The following KDM4C variants were observed in gnomAD, a reference collection of about 807,000 sequenced individuals.
KDM4C encodes lysine-specific demethylase 4C.
KDM4C carries 81 observed loss-of-function variants against 129.3 expected under a neutral mutation model. The observed-to-expected ratio is 0.63, with a 90% confidence interval of 0.52 to 0.75. KDM4C has a LOEUF of 0.75. Among genes scored for constraint, KDM4C ranks in the 30% least tolerant of loss-of-function variants. The probability of loss-of-function intolerance (pLI) is 0.00; values close to 1 mark genes in which losing one functional copy is unlikely to be tolerated. For synonymous variants in KDM4C, 573 were observed against 456.1 expected (o/e 1.26, Z -3.26); for missense variants, 1,457 against 1,304.0 (o/e 1.12, Z -1.81).
chr9:6,785,400 G>A (rs1208054864), intron 1 of KDM4C, among the ~76,000 whole-genome samples: 1 of 151,260 alleles, frequency 6.6e-6, no homozygotes, highest in African/African-American at 2.4e-5. Flanking sequence ...GCAGTGGTGC[G>A]ATCTTGGCTC....
chr9:7,125,077 C>G (rs891967129), intron 18 of KDM4C, among the ~76,000 whole-genome samples: 3 of 152,114 alleles, frequency 2.0e-5, no homozygotes, highest in African/African-American at 7.2e-5. Context: ...CACAGAATAA[C>G]ATTTAGATTC....
At chr9:6,876,949 C>A (rs765339365) in intron 5 of KDM4C, among the ~76,000 whole-genome samples, 23 of 152,160 alleles carry the variant, frequency 1.5e-4, no homozygotes, top group Admixed American at 5.2e-4. Context: ...TGTGGGGAGT[C>A]AGGACCAAGC....
chr9:6,910,823 G>A (rs1428960458), intron 8 of KDM4C, among the ~76,000 whole-genome samples: 1 of 152,170 alleles, frequency 6.6e-6, no homozygotes, highest in Non-Finnish European at 1.5e-5. Context: ...AATGTTGAAC[G>A]CTGCGGGATA....
In KDM4C at chr9:6,919,223, C is replaced by CTTTCTTTCTTTCTTTCTTTCTTTCT. The variant is rs532687391; in HGVS notation, c.921+25993_921+25994insTCTTTCTTTCTTTCTTTCTTTCTTT. Among the ~76,000 whole-genome samples, 231 of 108,978 alleles carry CTTTCTTTCTTTCTTTCTTTCTTTCT rather than the reference C, an allele frequency of 2.1e-3. 1 individual carries two copies. Among genetic ancestry groups the CTTTCTTTCTTTCTTTCTTTCTTTCT allele is most frequent in the Admixed American group, 3.0e-3 (32 of 10,726 alleles). 71.5% of individuals were successfully genotyped at this position (108,978 alleles called of 152,430 possible). A position where few individuals can be genotyped will look rare whatever the true frequency, so the allele number is the denominator to read the frequency against. On this transcript the variant is annotated intron_variant, in intron 8 of 21. Transcript: ENST00000381309. ...TTACAGATTCTGAATTTTCTTTTTC[C>CTTTCTTTCTTTCTTTCTTTCTTTCT]TTCTTTCTTTCTTTCTTTCTTTCTT...
chr9:6,809,260 C>T (rs536380795), intron 3 of KDM4C, among the ~76,000 whole-genome samples: 8 of 152,270 alleles, frequency 5.3e-5, no homozygotes, highest in African/African-American at 1.9e-4. Flanking sequence ...ATGAAACTTT[C>T]AACAAAGATT....
chr9:6,793,230 A>C lies in KDM4C; in HGVS notation c.144+98A>C, dbSNP rs558461280. 7 of 1,306,292 alleles carry C rather than the reference A, an allele frequency of 5.4e-6. No homozygotes were observed. The South Asian group carries it at 9.8e-5, about 18-fold the overall frequency. The allele number at this position is 1,306,292 out of a possible 1,614,324, so 80.9% of individuals were successfully genotyped here. ...TTGGGACATTGTTTCTGAAGGAAGA[A>C]ATTTGCAAAATCTTTGTTCTCGTTA... is the stretch of plus-strand genomic sequence containing the variant. On this transcript the variant is annotated intron_variant, in intron 2 of 21. Coordinates refer to ENST00000381309, the MANE Select transcript of KDM4C (RefSeq NM_015061.6).
chr9:6,945,828 G>C (rs950137763), intron 8 of KDM4C, among the ~76,000 whole-genome samples: 9 of 152,094 alleles, frequency 5.9e-5, no homozygotes, highest in Admixed American at 2.0e-4. Flanking sequence ...TTTAATGTTT[G>C]CTTAAACTTT....
Position 7,138,791 on chromosome 9 carries a change from G to A in KDM4C, c.2781+10555G>A, listed in dbSNP as rs7037842. 8.4e-3 allele frequency among the ~76,000 whole-genome samples: 1,273 copies of A among 152,158 alleles called. 25 individuals are homozygous for A. Among genetic ancestry groups the A allele is most frequent in the African/African-American group, 0.029 (1,210 of 41,498 alleles). On this transcript the variant is annotated intron_variant, in intron 19 of 21. Transcript: ENST00000381309. ...GCTATGATCACACCATTGCATTCCTGCCTGGGTGACAGAGCCAAACCCTGT... is the reference window on the plus strand; with the variant it reads ...GCTATGATCACACCATTGCATTCCTACCTGGGTGACAGAGCCAAACCCTGT...
At position 6,905,704 on chromosome 9, in the gene KDM4C, G is replaced by A. The variant is rs570125550; in HGVS notation, c.921+12472G>A. On this transcript the variant is annotated intron_variant, in intron 8 of 21. Transcript: ENST00000381309. ...GGCATTTCTATAGTGTAGGGTCCTTGTGATCAATTTATGTTGCTTTTTGAT... is the reference window on the plus strand; with the variant it reads ...GGCATTTCTATAGTGTAGGGTCCTTATGATCAATTTATGTTGCTTTTTGAT... Among the ~76,000 whole-genome samples the A allele has an allele frequency of 2.6e-5, 4 of 152,258 alleles. No individual in the cohort carries two copies. The East Asian group carries it at 7.7e-4, about 29-fold the overall frequency.
At chr9:7,149,090 A>T (rs147679154) in intron 19 of KDM4C, among the ~76,000 whole-genome samples, 1 of 152,280 alleles carries the variant, frequency 6.6e-6, no homozygotes, top group Non-Finnish European at 1.5e-5. Context: ...TTTCTGCACC[A>T]AGGGGCACTT....
intron 8 of KDM4C, among the ~76,000 whole-genome samples, chr9:6,958,908 G>T (rs747347663): frequency 3.9e-5 from 6 of 151,978 alleles, no homozygotes; most frequent in Admixed American, 6.6e-5. Flanking sequence ...TTGGCCTCCC[G>T]AAGTGTTGGG....
upstream of KDM4C, among the ~76,000 whole-genome samples, chr9:6,753,134 A>C (rs1588069256): frequency 6.6e-6 from 1 of 152,326 alleles, no homozygotes; most frequent in East Asian, 1.9e-4. Flanking sequence ...TCTGGCACAA[A>C]TCCTAATCCT....
At chr9:6,724,454 G>A (rs1817057594) in intron 1 of KDM4C, among the ~76,000 whole-genome samples, 1 of 152,126 alleles carries the variant, frequency 6.6e-6, no homozygotes, top group South Asian at 2.1e-4. Flanking sequence ...AGAAGGTAAT[G>A]CTCAGCGAGC....
At chr9:6,968,665 A>G (rs1831423394) in intron 8 of KDM4C, among the ~76,000 whole-genome samples, 1 of 152,198 alleles carries the variant, frequency 6.6e-6, no homozygotes, top group Non-Finnish European at 1.5e-5. Flanking sequence ...CGTTGAAAAT[A>G]GGCTTCCAAA....
At chr9:6,921,311 G>T (rs1821456310) in intron 8 of KDM4C, among the ~76,000 whole-genome samples, 1 of 152,130 alleles carries the variant, frequency 6.6e-6, no homozygotes, top group Non-Finnish European at 1.5e-5. Flanking sequence ...TGAAATCAAG[G>T]CTGATTACTT....
At chr9:7,154,329 A>AG (rs1842965197) in intron 19 of KDM4C, among the ~76,000 whole-genome samples, 3 of 152,238 alleles carry the variant, frequency 2.0e-5, no homozygotes, top group Admixed American at 2.0e-4. Context: ...ATTCTCCCCA[A>AG]GGGGGACTGC....
At chr9:6,939,298 C>T (rs963812293) in intron 8 of KDM4C, among the ~76,000 whole-genome samples, 10 of 152,140 alleles carry the variant, frequency 6.6e-5, no homozygotes, top group Middle Eastern at 3.4e-3. Flanking sequence ...GTTGCATGCT[C>T]CTCATGAGAA....
intron 17 of KDM4C, among the ~76,000 whole-genome samples, chr9:7,067,021 T>C (rs1012193039): frequency 5.9e-5 from 9 of 152,224 alleles, no homozygotes; most frequent in African/African-American, 1.9e-4. Flanking sequence ...AGGAAATTTA[T>C]ATATTTCTCT....
chr9:6,805,495 G>A, intron 2 of KDM4C, 104 bp from the exon 3 acceptor site: 2 of 591,092 alleles, frequency 3.4e-6, no homozygotes, highest in Non-Finnish European at 5.4e-6. Context: ...ATTTGTCATA[G>A]AGATACTGAG....
Sources: allele counts gnomAD v4.1 joint callset (sites outside exome capture counted in the v4.1 genomes callset), GRCh38; gene constraint gnomAD v4.1.1; transcripts MANE v1.5; gene names NCBI Gene and HGNC (gene_info 2026-07-23, HGNC 2026-07-21).